Variants in TMEM255A observed in about 807,000 individuals in gnomAD.
TMEM255A encodes transmembrane protein 255A, also known as family with sequence similarity 70, member A.
Under a neutral mutation model 23.5 loss-of-function variants are expected in TMEM255A, and 14 were observed. That is an observed-to-expected ratio of 0.60 (90% CI 0.39 to 0.93). TMEM255A has a LOEUF of 0.93. Ranked by LOEUF, TMEM255A falls within the 40% of genes least tolerant of loss-of-function variation. TMEM255A has a pLI of 0.00. For missense variants in TMEM255A, 233 were observed against 261.7 expected, an observed-to-expected ratio of 0.89 and a Z score of 0.76; for synonymous variants, 104 against 100.3, an observed-to-expected ratio of 1.04 and a Z score of -0.22.
intron 2 of TMEM255A, among the ~76,000 whole-genome samples, chrX:120,300,575 T>TTTG (rs33997752): frequency 1.9e-5 from 2 of 102,765 alleles, no homozygotes; most frequent in African/African-American, 7.2e-5. Context: ...TTTTTTTTTT[T>TTTG]GTAGAGATGG....
chrX:120,276,800 G>T (rs1390175247), intron 7 of TMEM255A, 85 bp downstream of exon 7: 20 of 972,357 alleles, frequency 2.1e-5, no homozygotes, highest in Non-Finnish European at 2.7e-5. Context: ...TTCAAAATAT[G>T]TGTCTGCATT....
downstream of TMEM255A, chrX:120,254,091 A>G (rs75782705): frequency 1.4e-3 from 1,669 of 1,209,229 alleles, 19 homozygotes; most frequent in African/African-American, 0.026. Context: ...CCCTGTTGCT[A>G]TTTCAGATGT....
intron 3 of TMEM255A, among the ~76,000 whole-genome samples, chrX:120,293,748 T>G (rs782162861): frequency 3.6e-5 from 4 of 112,028 alleles, no homozygotes; most frequent in Non-Finnish European, 5.6e-5. Flanking sequence ...ATCCAGAATA[T>G]TCTATCCCTT....
At chrX:120,254,069 A>G (rs782035631), downstream of TMEM255A, 19 of 1,209,199 alleles carry the variant, frequency 1.6e-5, no homozygotes, top group South Asian at 7.0e-5. Flanking sequence ...CACAGGTCCA[A>G]TCTAACCCAG....
intron 1 of TMEM255A, among the ~76,000 whole-genome samples, chrX:120,305,732 C>G: frequency 9.0e-6 from 1 of 110,860 alleles, no homozygotes; most frequent in East Asian, 2.9e-4. Flanking sequence ...GTCAAGGAAA[C>G]GAAGCGAGAC....
intron 1 of TMEM255A, among the ~76,000 whole-genome samples, chrX:120,304,772 C>A (rs2058053991): frequency 8.9e-6 from 1 of 111,754 alleles, no homozygotes; most frequent in East Asian, 2.8e-4. Context: ...GTGCTCCTGG[C>A]ACTCTGTAAG....
chrX:120,271,073 A>G (rs180881245), intron 7 of TMEM255A, among the ~76,000 whole-genome samples: 17 of 111,165 alleles, frequency 1.5e-4, no homozygotes, highest in Non-Finnish European at 2.8e-4. Context: ...CTGGTCCTTG[A>G]TAGAGTTCCC....
intron 2 of TMEM255A, among the ~76,000 whole-genome samples, chrX:120,303,372 C>T (rs972605853): frequency 5.4e-5 from 6 of 111,409 alleles, no homozygotes; most frequent in African/African-American, 9.8e-5. Flanking sequence ...AAGCAACAAA[C>T]GGTTGATGGT....
intron 2 of TMEM255A, among the ~76,000 whole-genome samples, chrX:120,296,763 T>C (rs1186632951): frequency 1.0e-4 from 1 of 9,901 alleles, no homozygotes; most frequent in Non-Finnish European, 1.4e-4. Context: ...ATATATTATA[T>C]ATATTAAATA....
rs150894955 is a variant in TMEM255A at position 120,259,949 on chromosome X, C to T, written c.*921G>A. 5.5e-4 allele frequency: 77 copies of T among 139,191 alleles called. No homozygotes were observed. Among genetic ancestry groups the T allele is most frequent in the African/African-American group, 2.3e-3 (73 of 31,159 alleles). 11.5% of individuals were successfully genotyped at this position (139,191 alleles called of 1,213,427 possible). ...CTCTTTTGGGGTGGGGTGCAGGATA[C>T]GTGCGGATTGCTGGGGTTAAGCACA... On this transcript the variant is annotated 3_prime_UTR_variant, in exon 9 of 9. Coordinates refer to ENST00000371369, the MANE Select transcript of TMEM255A (RefSeq NM_001104544.3).
At position 120,261,672 on chromosome X, in the gene TMEM255A, G is replaced by A. The variant is rs1031878920; in HGVS notation, c.820-644C>T. ...CAAAGAGTAACAAAGGCATGGAGGT[G>A]AGAATGAGGAGCAATATGTCAGGTT... On this transcript the variant is annotated intron_variant, in intron 8 of 8. Transcript: ENST00000371369. Among the ~76,000 whole-genome samples the A allele has an allele frequency of 4.5e-5, 5 of 112,304 alleles. 1 individual carries two copies. The highest frequency in any genetic ancestry group is 1.9e-4 in the Admixed American group (2 of 10,625).
chrX:120,272,299 C>T (rs1359317108), intron 7 of TMEM255A, among the ~76,000 whole-genome samples: 1 of 111,897 alleles, frequency 8.9e-6, no homozygotes, highest in Non-Finnish European at 1.9e-5. Context: ...GAGGGTGCCT[C>T]TGGGGAGCAT....
chrX:120,296,284 G>A (rs1461275380), intron 2 of TMEM255A, among the ~76,000 whole-genome samples: 2 of 110,677 alleles, frequency 1.8e-5, no homozygotes, highest in Non-Finnish European at 3.8e-5. Context: ...AGAAGAGGTG[G>A]GTGGAAGTCT....
chrX:120,271,010 C>T (rs1410394028), intron 7 of TMEM255A, among the ~76,000 whole-genome samples: 1 of 111,018 alleles, frequency 9.0e-6, no homozygotes, highest in African/African-American at 3.3e-5. Context: ...GTTCTCTAAT[C>T]TCATGAATCA....
intron 6 of TMEM255A, among the ~76,000 whole-genome samples, chrX:120,284,114 CTT>C (rs2057856224): frequency 9.0e-6 from 1 of 111,692 alleles, no homozygotes; most frequent in Non-Finnish European, 1.9e-5. Context: ...CAAACTCTGA[CTT>C]TCATTCATTG....
chrX:120,277,047 G>A lies in TMEM255A; in HGVS notation c.513C>T (p.Asn171=). ...CFCCDLYNCG[N]RVEITGGYYE... ...AGTACCCACCAGTGATCTCCACCCG[G>A]CTGGACAGGGAGGAGCATGCTCCAG... is the stretch of plus-strand genomic sequence containing the variant. Residue 171 remains asparagine, a splice_region_variant and synonymous_variant, in exon 7 of 9, where the codon AAC becomes AAT. Coordinates refer to ENST00000371369, the MANE Select transcript of TMEM255A (RefSeq NM_001104544.3). The A allele has an allele frequency of 8.3e-7, 1 of 1,206,317 alleles. No individual in the cohort carries two copies. The highest frequency in any genetic ancestry group is 2.2e-5 in the Admixed American group (1 of 45,847).
intron 7 of TMEM255A, among the ~76,000 whole-genome samples, chrX:120,276,050 C>T (rs1556019695): frequency 9.0e-6 from 1 of 110,791 alleles, no homozygotes; most frequent in African/African-American, 3.3e-5. Flanking sequence ...CCTGTCTTGG[C>T]CTCCCAAAGG....
chrX:120,305,316 A>AT (rs781929175), intron 1 of TMEM255A, among the ~76,000 whole-genome samples: 11 of 109,729 alleles, frequency 1.0e-4, no homozygotes, highest in Admixed American at 2.9e-4. Flanking sequence ...TTTTTAATTT[A>AT]TTTTTTTTTA....
At chrX:120,292,843 C>G (rs1320789086) in intron 3 of TMEM255A, among the ~76,000 whole-genome samples, 1 of 111,267 alleles carries the variant, frequency 9.0e-6, no homozygotes, top group Non-Finnish European at 1.9e-5. Flanking sequence ...GGGAGTTGTT[C>G]AGAAACCTCT....
Sources: allele counts gnomAD v4.1 joint callset (sites outside exome capture counted in the v4.1 genomes callset), GRCh38; gene constraint gnomAD v4.1.1; transcripts MANE v1.5; gene names NCBI Gene and HGNC (gene_info 2026-07-23, HGNC 2026-07-21).